MACROD2: variants seen among roughly 807,000 people sequenced by gnomAD.
The protein encoded by MACROD2 is ADP-ribose glycohydrolase MACROD2.
A neutral mutation model predicts 70.4 loss-of-function variants in MACROD2; 36 were observed. The observed-to-expected ratio is 0.51, with a 90% CI of 0.39 to 0.68. The LOEUF (loss-of-function observed/expected upper bound fraction) is 0.68. Ranked by LOEUF, MACROD2 falls within the 30% of genes least tolerant of loss-of-function variation. The pLI is 0.00. For synonymous variants in MACROD2, 172 were observed against 178.8 expected (o/e 0.96, Z 0.30); for missense variants, 496 against 538.4 (o/e 0.92, Z 0.78).
At chr20:14,938,511 TG>T (rs1190890901) in intron 5 of MACROD2, among the ~76,000 whole-genome samples, 3 of 152,132 alleles carry the variant, frequency 2.0e-5, no homozygotes, top group African/African-American at 4.8e-5. Flanking sequence ...CTGGGCACAG[TG>T]GCTCACACCT....
chr20:15,016,467 C>T (rs1287176137), intron 5 of MACROD2, among the ~76,000 whole-genome samples: 7 of 152,108 alleles, frequency 4.6e-5, no homozygotes, highest in Admixed American at 4.6e-4. Context: ...AGAGGTAGAG[C>T]CTAGTCGGAG....
intron 4 of MACROD2, among the ~76,000 whole-genome samples, chr20:14,514,163 C>G (rs977664347): frequency 3.3e-5 from 5 of 152,076 alleles, no homozygotes; most frequent in African/African-American, 1.2e-4. Context: ...AGAAGAGAAG[C>G]CTTGACTCTC....
chr20:14,001,143 G>C (rs757591411), intron 1 of MACROD2, among the ~76,000 whole-genome samples: 6 of 152,116 alleles, frequency 3.9e-5, no homozygotes, highest in Non-Finnish European at 8.8e-5. Flanking sequence ...GGAGATGTTT[G>C]TCTGAATTTT....
intron 5 of MACROD2, among the ~76,000 whole-genome samples, chr20:14,847,901 T>C (rs2073160440): frequency 6.6e-6 from 1 of 152,144 alleles, no homozygotes; most frequent in Non-Finnish European, 1.5e-5. Context: ...GGTTGCAGGA[T>C]TAATGAGCTC....
intron 7 of MACROD2, among the ~76,000 whole-genome samples, chr20:15,470,505 T>G (rs1295687462): frequency 1.3e-5 from 2 of 152,194 alleles, no homozygotes; most frequent in Non-Finnish European, 2.9e-5. Flanking sequence ...CCTTTGTATG[T>G]CATCTCCCTG....
intron 5 of MACROD2, among the ~76,000 whole-genome samples, chr20:15,156,226 A>G (rs1040363205): frequency 4.6e-5 from 7 of 152,234 alleles, no homozygotes; most frequent in East Asian, 1.9e-4. Context: ...ACTGCATTCT[A>G]TAGTAAAAAT....
intron 8 of MACROD2, among the ~76,000 whole-genome samples, chr20:15,567,173 ATAGT>A (rs1254889535): frequency 8.5e-5 from 13 of 152,182 alleles, no homozygotes; most frequent in South Asian, 6.2e-4. Context: ...TCATATATTA[ATAGT>A]TAAAGTAAAT....
At chr20:14,062,744 ATG>A (rs2053705125) in intron 2 of MACROD2, among the ~76,000 whole-genome samples, 1 of 152,216 alleles carries the variant, frequency 6.6e-6, no homozygotes, top group Admixed American at 6.5e-5. Context: ...GACTAGTTGG[ATG>A]TGACTTAGAG....
intron 5 of MACROD2, among the ~76,000 whole-genome samples, chr20:14,954,970 T>C (rs2074516307): frequency 8.8e-6 from 1 of 113,866 alleles, no homozygotes; most frequent in Admixed American, 1.1e-4. Context: ...ATTTATATTT[T>C]ATATAATTAA....
chr20:15,510,797 G>C (rs1391032098), intron 8 of MACROD2, among the ~76,000 whole-genome samples: 2 of 152,234 alleles, frequency 1.3e-5, no homozygotes, highest in African/African-American at 4.8e-5. Context: ...GTAACGGTGA[G>C]CCCAGTGACA....
At chr20:14,718,292 C>CAAAAAAAAAAAAAAAAAAAAAAAA (rs11358439) in intron 5 of MACROD2, among the ~76,000 whole-genome samples, 1 of 54,640 alleles carries the variant, frequency 1.8e-5, no homozygotes, top group Non-Finnish European at 3.0e-5. Context: ...GACTCTGTCT[C>CAAAAAAAAAAAAAAAAAAAAAAAA]AAAAAAAAAA....
chr20:14,653,257 T>C (rs892676363), intron 4 of MACROD2, among the ~76,000 whole-genome samples: 26 of 151,244 alleles, frequency 1.7e-4, no homozygotes, highest in Non-Finnish European at 3.1e-4. Flanking sequence ...TTCGCTCTGT[T>C]GCCCAGGCTG....
At position 14,864,618 on chromosome 20, in the gene MACROD2, C is replaced by T. The variant is rs114168751; in HGVS notation, c.418+179659C>T. On this transcript the variant is annotated intron_variant, in intron 5 of 17. Transcript: ENST00000684519. ...TATAGAGAAATAGTGAGTGTTGAAC[C>T]GACGGACCTTGTCTTTAGAATAAAA... Among the ~76,000 whole-genome samples, 870 of 151,960 alleles carry T rather than the reference C, an allele frequency of 5.7e-3. 5 individuals are homozygous for T. The highest frequency in any genetic ancestry group is 0.02 in the African/African-American group (815 of 41,468).
At chr20:15,093,910 G>C (rs537901600) in intron 5 of MACROD2, among the ~76,000 whole-genome samples, 1 of 152,226 alleles carries the variant, frequency 6.6e-6, no homozygotes, top group South Asian at 2.1e-4. Context: ...AAATTGTGTC[G>C]AGGGAAGCTC....
intron 5 of MACROD2, chr20:14,884,182 C>A (rs1321043313): frequency 2.0e-5 from 3 of 152,182 alleles, no homozygotes; most frequent in Non-Finnish European, 4.4e-5. Context: ...ATGACAATTT[C>A]TCTTCTTGTT....
chr20:14,677,707 A>G (rs1057047450), intron 4 of MACROD2, among the ~76,000 whole-genome samples: 2 of 152,132 alleles, frequency 1.3e-5, no homozygotes, highest in Non-Finnish European at 2.9e-5. Flanking sequence ...GCAGTCTTTA[A>G]TAAGTCTCTG....
At chr20:15,401,195 G>A (rs1210544210) in intron 6 of MACROD2, among the ~76,000 whole-genome samples, 1 of 151,926 alleles carries the variant, frequency 6.6e-6, no homozygotes, top group African/African-American at 2.4e-5. Context: ...CCACCACCAC[G>A]CCCGGCTAAT....
intron 8 of MACROD2, among the ~76,000 whole-genome samples, chr20:15,518,002 A>G (rs1396798263): frequency 6.6e-6 from 1 of 152,254 alleles, no homozygotes; most frequent in Non-Finnish European, 1.5e-5. Flanking sequence ...AAGTCTGGAA[A>G]TGAATAGAGC....
chr20:14,671,205 T>G (rs1355697026), intron 4 of MACROD2, among the ~76,000 whole-genome samples: 1 of 152,198 alleles, frequency 6.6e-6, no homozygotes, highest in African/African-American at 2.4e-5. Context: ...TAGAATTTCT[T>G]TTTAAATTGG....
Sources: gnomAD v4.1 joint callset for allele counts (sites outside exome capture counted in the v4.1 genomes callset) on GRCh38, gnomAD v4.1.1 for gene constraint, MANE v1.5 for transcripts, NCBI Gene and HGNC (gene_info 2026-07-23, HGNC 2026-07-21) for gene names.